Variants in EPB41 observed in about 807,000 individuals in gnomAD.
The protein encoded by EPB41 is protein 4.1.
A neutral mutation model predicts 108.0 loss-of-function variants in EPB41; 65 were observed. That is an observed-to-expected ratio of 0.60 (90% CI 0.49 to 0.74). The LOEUF (loss-of-function observed/expected upper bound fraction) is 0.74. Among genes scored for constraint, EPB41 ranks in the 30% least tolerant of loss-of-function variants. The pLI is 0.00. For synonymous variants in EPB41, 336 were observed against 358.9 expected (o/e 0.94, Z 0.72); for missense variants, 875 against 1,037.0 (o/e 0.84, Z 2.15).
At chr1:28,917,252 GTGTGTGTGTGTGTGTA>G (rs1397148862) in intron 1 of EPB41, among the ~76,000 whole-genome samples, 25 of 151,678 alleles carry the variant, frequency 1.6e-4, no homozygotes, top group African/African-American at 5.8e-4. Flanking sequence ...CTCTCTCTGT[GTGTGTGTGTGTGTGTA>G]TGTGTGTGTG....
At chr1:28,914,001 C>T (rs2092395256), upstream of EPB41, among the ~76,000 whole-genome samples, 1 of 152,172 alleles carries the variant, frequency 6.6e-6, no homozygotes, top group Non-Finnish European at 1.5e-5. Context: ...ACACAGCTGG[C>T]ACGAGAGGTA....
upstream of EPB41, among the ~76,000 whole-genome samples, chr1:28,914,042 C>A (rs1000619413): frequency 2.0e-5 from 3 of 152,146 alleles, no homozygotes; most frequent in Non-Finnish European, 4.4e-5. Context: ...GTTGGAAGGG[C>A]GCCTAGAGAC....
At chr1:28,901,692 C>A (rs992282349) in intron 1 of EPB41, among the ~76,000 whole-genome samples, 1 of 151,676 alleles carries the variant, frequency 6.6e-6, no homozygotes, top group Admixed American at 6.6e-5. Context: ...CGCCACCACG[C>A]CCATCTAATT....
At chr1:29,049,935 C>T (rs116463296) in intron 11 of EPB41, among the ~76,000 whole-genome samples, 1,911 of 152,180 alleles carry the variant, frequency 0.013, 36 homozygotes, top group African/African-American at 0.044. Context: ...ACCCCCAACA[C>T]TGTGAATATA....
intron 12 of EPB41, 94 bp downstream of exon 12, chr1:29,053,406 C>G: frequency 8.1e-7 from 1 of 1,238,150 alleles, no homozygotes; most frequent in Non-Finnish European, 1.2e-6. Context: ...ATTGCTTATT[C>G]TCATAGACTC....
chr1:29,061,259 A>T lies in EPB41; in HGVS notation c.2007+775A>T, dbSNP rs147382032. 5.0e-3 allele frequency among the ~76,000 whole-genome samples: 758 copies of T among 151,890 alleles called. 6 individuals carry two copies. Among genetic ancestry groups the T allele is most frequent in the African/African-American group, 0.016 (677 of 41,482 alleles). On this transcript the variant is annotated intron_variant, in intron 15 of 20. Transcript: ENST00000343067. ...ATTCAACATTGGTCATATATATATA[A>T]AATTTTTATTTTATTTTATTTTATT...
At chr1:29,083,023 C>T (rs1218527924) in intron 16 of EPB41, among the ~76,000 whole-genome samples, 3 of 152,018 alleles carry the variant, frequency 2.0e-5, no homozygotes, top group Non-Finnish European at 4.4e-5. Context: ...CCACATCTTC[C>T]GGAATAAGCC....
intron 16 of EPB41, chr1:29,068,649 C>A: frequency 1.2e-6 from 1 of 847,384 alleles, no homozygotes; most frequent in Non-Finnish European, 1.6e-6. Flanking sequence ...TATTTCCATT[C>A]TCTGGGGATA....
intron 11 of EPB41, among the ~76,000 whole-genome samples, chr1:29,042,654 T>G (rs1038436052): frequency 8.6e-5 from 13 of 151,994 alleles, no homozygotes; most frequent in Admixed American, 2.0e-4. Flanking sequence ...AATTTTTGTA[T>G]TTTTAGTGGA....
At position 29,112,360 on chromosome 1, in the gene EPB41, G is replaced by T. The variant is rs1669471456; in HGVS notation, c.2416-8G>T. The T allele has an allele frequency of 2.5e-6, 4 of 1,606,014 alleles. No homozygotes were observed. Among genetic ancestry groups the T allele is most frequent in the Non-Finnish European group, 3.4e-6 (4 of 1,173,856 alleles). ...TGATCTCATATGACATCTTCTCTTTGGTTCCAGACTGTAAAAGGTGGGATT... is the reference window on the plus strand; with the variant it reads ...TGATCTCATATGACATCTTCTCTTTTGTTCCAGACTGTAAAAGGTGGGATT... On this transcript the variant is annotated splice_region_variant and splice_polypyrimidine_tract_variant and intron_variant, in intron 18 of 20. Coordinates refer to ENST00000343067, the MANE Select transcript of EPB41 (RefSeq NM_001376013.1).
chr1:28,980,794 G>GTTTT lies in EPB41; in HGVS notation c.-7-6620_-7-6617dup, dbSNP rs1227983608. 1.8e-4 allele frequency among the ~76,000 whole-genome samples: 21 copies of GTTTT among 118,182 alleles called. 1 individual carries two copies. The highest frequency in any genetic ancestry group is 4.5e-4 in the African/African-American group (14 of 31,098). The allele number at this position is 118,182 out of a possible 152,430, so 77.5% of individuals were successfully genotyped here. On this transcript the variant is annotated intron_variant, in intron 1 of 20. Transcript: ENST00000343067. Reference sequence around the variant, plus strand: ...CCTTCCAGCTGATGATATTCCAGGAGTTTTTTTTTTTTTTTTTTTTGAGAT... The same window carrying GTTTT: ...CCTTCCAGCTGATGATATTCCAGGAGTTTTTTTTTTTTTTTTTTTTTTTTGAGAT...
chr1:28,890,968 TG>T, intron 1 of EPB41: 4 of 985,474 alleles, frequency 4.1e-6, no homozygotes, highest in Non-Finnish European at 4.8e-6. Context: ...GCTGGGGAAC[TG>T]GGGAACAAGC....
intron 17 of EPB41, among the ~76,000 whole-genome samples, chr1:29,108,103 A>T (rs1667830026): frequency 6.9e-6 from 1 of 145,946 alleles, no homozygotes; most frequent in Non-Finnish European, 1.5e-5. Context: ...GTGCTTAATT[A>T]TTGTCACTAA....
chr1:29,093,676 G>A (rs1398934779), intron 16 of EPB41, among the ~76,000 whole-genome samples: 3 of 152,160 alleles, frequency 2.0e-5, no homozygotes, highest in Non-Finnish European at 4.4e-5. Context: ...GGAGGCCGAG[G>A]TGGGTGGATC....
intron 1 of EPB41, among the ~76,000 whole-genome samples, chr1:28,909,497 T>A (rs2092103780): frequency 6.6e-6 from 1 of 150,720 alleles, no homozygotes; most frequent in African/African-American, 2.4e-5. Context: ...ATAAAATAAA[T>A]AAAAAAATAA....
chr1:29,011,188 A>G lies in EPB41; in HGVS notation c.787-677A>G, dbSNP rs528787421. Among the ~76,000 whole-genome samples the G allele has an allele frequency of 5.8e-4, 88 of 151,910 alleles. 1 individual carries two copies. In the South Asian group the frequency reaches 8.5e-3, roughly 15 times the overall value. ...CCAGCCTAGCCAACATGTTTGGCAA[A>G]ACCCCATCTCTACTAAAAATACAAA... On this transcript the variant is annotated intron_variant, in intron 4 of 20. Transcript: ENST00000343067.
intron 1 of EPB41, among the ~76,000 whole-genome samples, chr1:28,938,522 A>G (rs369398199): frequency 2.7e-5 from 4 of 146,468 alleles, no homozygotes; most frequent in African/African-American, 1.0e-4. Context: ...ATAGAAATAC[A>G]GTTGATTTTT....
rs756694136 is a variant in EPB41 at position 29,112,466 on chromosome 1, A to G, written c.2496+18A>G. On this transcript the variant is annotated intron_variant, in intron 19 of 20. Transcript: ENST00000343067. ...ATGATCAGGTGGGAATGTTGAAGAG[A>G]TCTGGGCCTGGGAGGGGTCCCTGGG... The G allele has an allele frequency of 5.0e-6, 8 of 1,608,168 alleles. No individual in the cohort carries two copies. The highest frequency in any genetic ancestry group is 1.1e-5 in the South Asian group (1 of 90,968).
chr1:28,999,286 C>T (rs1335361075), intron 4 of EPB41, among the ~76,000 whole-genome samples: 4 of 152,158 alleles, frequency 2.6e-5, no homozygotes, highest in African/African-American at 7.2e-5. Flanking sequence ...AGGAGAATGG[C>T]GTGAGCCCAG....
Sources: allele counts gnomAD v4.1 joint callset (sites outside exome capture counted in the v4.1 genomes callset), GRCh38; gene constraint gnomAD v4.1.1; transcripts MANE v1.5; gene names NCBI Gene and HGNC (gene_info 2026-07-23, HGNC 2026-07-21).